Variants in C10orf90 observed in about 807,000 individuals in gnomAD.
The protein encoded by C10orf90 is chromosome 10 open reading frame 90, also known as (E2-independent) E3 ubiquitin-conjugating enzyme FATS.
Under a neutral mutation model 62.5 loss-of-function variants are expected in C10orf90, and 56 were observed. The ratio of observed to expected loss-of-function variants is 0.90; its 90% CI spans 0.72 to 1.12. The LOEUF (loss-of-function observed/expected upper bound fraction) is 1.12, where lower values mean the gene tolerates loss of function less well. Ranked by LOEUF, C10orf90 falls within the 50% of genes most tolerant of loss-of-function variation. The pLI is 0.00. For synonymous variants in C10orf90, 386 were observed against 340.4 expected (o/e 1.13, Z -1.47); for missense variants, 970 against 880.4 (o/e 1.10, Z -1.29).
At chr10:126,426,407 T>C (rs536182664) in intron 8 of C10orf90, among the ~76,000 whole-genome samples, 2 of 152,360 alleles carry the variant, frequency 1.3e-5, no homozygotes, top group East Asian at 3.9e-4. Flanking sequence ...CTATGATAAT[T>C]AATGACTTAA....
intron 2 of C10orf90, among the ~76,000 whole-genome samples, chr10:126,568,152 A>T (rs1844431543): frequency 6.6e-6 from 1 of 152,104 alleles, no homozygotes; most frequent in Non-Finnish European, 1.5e-5. Context: ...AAAACCACAA[A>T]TGGAGCCCTC....
intron 2 of C10orf90, among the ~76,000 whole-genome samples, chr10:126,579,271 CTTTCT>C (rs1276681701): frequency 6.2e-4 from 85 of 136,138 alleles, no homozygotes; most frequent in African/African-American, 1.9e-3. Flanking sequence ...TTCTTTCTTT[CTTTCT>C]TTTTTTTTTT....
chr10:126,643,042 A>G (rs895688885), intron 2 of C10orf90, among the ~76,000 whole-genome samples: 2 of 152,122 alleles, frequency 1.3e-5, no homozygotes, highest in Non-Finnish European at 2.9e-5. Context: ...CTAAACCCAC[A>G]TTACCCGCCA....
chr10:126,465,430 TTGTATA>T (rs1477229453), intron 4 of C10orf90, among the ~76,000 whole-genome samples: 1 of 150,652 alleles, frequency 6.6e-6, no homozygotes, highest in African/African-American at 2.5e-5. Context: ...TATGATTATA[TTGTATA>T]TAACAACATA....
chr10:126,598,621 C>T (rs1845133625), intron 2 of C10orf90, among the ~76,000 whole-genome samples: 1 of 152,164 alleles, frequency 6.6e-6, no homozygotes, highest in South Asian at 2.1e-4. Flanking sequence ...TGTAATTAAG[C>T]TACTCTTGGA....
chr10:126,425,654 A>G lies in C10orf90; in HGVS notation c.*210T>C. On this transcript the variant is annotated 3_prime_UTR_variant, in exon 10 of 10. Transcript: ENST00000488181. ...GGTTACATGGAGGTGGTTTCCCCAC[A>G]ACAGATTGTTGACCTATTTTCTCGA... The G allele has an allele frequency of 1.7e-6, 1 of 597,956 alleles. No individual in the cohort carries two copies. The highest frequency in any genetic ancestry group is 2.8e-5 in the East Asian group (1 of 35,688). The allele number at this position is 597,956 out of a possible 1,614,324, so 37.0% of individuals were successfully genotyped here.
intron 2 of C10orf90, among the ~76,000 whole-genome samples, chr10:126,545,505 C>A (rs1236416816): frequency 2.0e-5 from 3 of 152,006 alleles, no homozygotes; most frequent in Non-Finnish European, 4.4e-5. Flanking sequence ...TTCTTACCAA[C>A]ATGTGTTGGC....
intron 7 of C10orf90, among the ~76,000 whole-genome samples, chr10:126,451,882 A>G (rs1449266715): frequency 9.2e-5 from 14 of 152,116 alleles, no homozygotes; most frequent in Admixed American, 9.2e-4. Context: ...AAAATATCAA[A>G]TTCATAGAAG....
At chr10:126,523,130 T>C (rs1863821961) in intron 2 of C10orf90, among the ~76,000 whole-genome samples, 1 of 152,254 alleles carries the variant, frequency 6.6e-6, no homozygotes. Flanking sequence ...CTGAATTTTG[T>C]GGTCACTTGG....
intron 2 of C10orf90, among the ~76,000 whole-genome samples, chr10:126,619,392 A>G (rs538737130): frequency 1.9e-3 from 288 of 152,322 alleles, no homozygotes; most frequent in African/African-American, 5.4e-3. Flanking sequence ...TAGTTGCGCC[A>G]GTTCTTACTC....
chr10:126,553,580 G>T (rs1308544552), intron 2 of C10orf90, among the ~76,000 whole-genome samples: 2 of 152,256 alleles, frequency 1.3e-5, no homozygotes, highest in Non-Finnish European at 2.9e-5. Flanking sequence ...CCTACGTATA[G>T]ATATGTTTAG....
chr10:126,430,033 G>A (rs1287340202), intron 7 of C10orf90, among the ~76,000 whole-genome samples, 183 bp from the exon 8 acceptor site: 5 of 152,194 alleles, frequency 3.3e-5, no homozygotes, highest in Non-Finnish European at 7.3e-5. Context: ...GGCCAACAAC[G>A]GGTTTGGTCT....
chr10:126,649,284 G>C lies in C10orf90; in HGVS notation c.241-2647C>G, dbSNP rs376273913. Among the ~76,000 whole-genome samples the C allele has an allele frequency of 9.2e-5, 14 of 152,186 alleles. No homozygotes were observed. The South Asian group carries it at 2.9e-3, about 32-fold the overall frequency. ...TCACAACATCCTGCAAAGACTTGGC[G>C]TGGACTCTACTTTCTGCTGGTTTCT... On this transcript the variant is annotated intron_variant, in intron 1 of 9. Transcript: ENST00000488181.
At chr10:126,429,107 A>C (rs1857425348) in intron 8 of C10orf90, among the ~76,000 whole-genome samples, 1 of 152,090 alleles carries the variant, frequency 6.6e-6, no homozygotes, top group Admixed American at 6.5e-5. Context: ...AACTAATGAC[A>C]TTTTACTTGC....
chr10:126,446,318 C>T lies in C10orf90; in HGVS notation c.2188+12722G>A, dbSNP rs557768930. Among the ~76,000 whole-genome samples, 3 of 152,182 alleles carry T rather than the reference C, an allele frequency of 2.0e-5. No homozygotes were observed. The East Asian group carries it at 5.8e-4, about 29-fold the overall frequency. On this transcript the variant is annotated intron_variant, in intron 7 of 9. Transcript: ENST00000488181. ...ATCATATTCAACCCAAAGAAGACTA[C>T]ACCAAGACATATCATAATCAAACTG...
At chr10:126,438,456 T>A (rs1471625427) in intron 7 of C10orf90, among the ~76,000 whole-genome samples, 1 of 152,160 alleles carries the variant, frequency 6.6e-6, no homozygotes, top group Non-Finnish European at 1.5e-5. Flanking sequence ...TAAACAAATT[T>A]AAGGTGGCTT....
At chr10:126,513,232 G>T (rs976905203) in intron 3 of C10orf90, among the ~76,000 whole-genome samples, 2 of 152,146 alleles carry the variant, frequency 1.3e-5, no homozygotes, top group African/African-American at 2.4e-5. Flanking sequence ...AGCCAGGCAG[G>T]TTATACGAGC....
intron 2 of C10orf90, among the ~76,000 whole-genome samples, chr10:126,601,137 T>C (rs563931002): frequency 5.3e-5 from 8 of 152,194 alleles, no homozygotes; most frequent in Non-Finnish European, 8.8e-5. Flanking sequence ...ATGTGGAATT[T>C]TTTTAAAGGT....
chr10:126,558,756 T>C (rs905645786), intron 2 of C10orf90, among the ~76,000 whole-genome samples: 5 of 152,220 alleles, frequency 3.3e-5, no homozygotes, highest in Admixed American at 1.3e-4. Context: ...AGGTCATGAT[T>C]TAACCCACTA....
Sources: allele counts gnomAD v4.1 joint callset (sites outside exome capture counted in the v4.1 genomes callset), GRCh38; gene constraint gnomAD v4.1.1; transcripts MANE v1.5; gene names NCBI Gene and HGNC (gene_info 2026-07-23, HGNC 2026-07-21).